FGF9: variants seen among roughly 807,000 people sequenced by gnomAD.
The protein encoded by FGF9 is fibroblast growth factor 9 (glia-activating factor).
FGF9 carries 3 observed loss-of-function variants against 19.9 expected under a neutral mutation model. The observed-to-expected ratio is 0.15, with a 90% CI of 0.07 to 0.39. The LOEUF (loss-of-function observed/expected upper bound fraction) is 0.39, where lower values mean the gene tolerates loss of function less well. Ranked by LOEUF, FGF9 falls within the 10% of genes least tolerant of loss-of-function variation. The pLI, the probability that FGF9 is intolerant of heterozygous loss-of-function variation, is 1.00. For missense variants in FGF9, 175 were observed against 256.8 expected (o/e 0.68, Z 2.18); for synonymous variants, 107 against 106.9 (o/e 1.00, Z -0.01).
intron 2 of FGF9, among the ~76,000 whole-genome samples, chr13:21,687,891 C>G (rs1318950960): frequency 6.6e-6 from 1 of 152,188 alleles, no homozygotes; most frequent in Non-Finnish European, 1.5e-5. Flanking sequence ...TAAAACAATT[C>G]TAGTACTTTT....
At chr13:21,693,850 C>T (rs943140176) in intron 2 of FGF9, among the ~76,000 whole-genome samples, 12 of 152,152 alleles carry the variant, frequency 7.9e-5, no homozygotes, top group Non-Finnish European at 1.6e-4. Context: ...CATTCTCTGC[C>T]GCCTTCTGGA....
intron 2 of FGF9, 137 bp downstream of exon 2, chr13:21,681,282 A>C (rs996963794): frequency 5.2e-5 from 35 of 675,530 alleles, no homozygotes; most frequent in African/African-American, 1.1e-4. Context: ...TTTTTGAGGA[A>C]AGCCATTTTA....
intron 2 of FGF9, among the ~76,000 whole-genome samples, chr13:21,693,477 C>T (rs925503566): frequency 6.6e-6 from 1 of 152,170 alleles, no homozygotes; most frequent in African/African-American, 2.4e-5. Context: ...TCCCTGGCAT[C>T]ATTGATCTTC....
chr13:21,695,757 T>C (rs1380787743), intron 2 of FGF9, among the ~76,000 whole-genome samples: 1 of 152,200 alleles, frequency 6.6e-6, no homozygotes, highest in Admixed American at 6.5e-5. Context: ...AAACAGTAGA[T>C]ATGAGAATGA....
chr13:21,671,201 C>T lies in FGF9; in HGVS notation c.-712C>T, dbSNP rs376388740. ...CACGCGAGCTCCCGGACGCGGCTCTCCTCGCTCGCCGCTCGCCACCCGTTC... is the reference window on the plus strand; with the variant it reads ...CACGCGAGCTCCCGGACGCGGCTCTTCTCGCTCGCCGCTCGCCACCCGTTC... On this transcript the variant is annotated 5_prime_UTR_variant, in exon 1 of 3. Transcript: ENST00000382353. Among the ~76,000 whole-genome samples the T allele has an allele frequency of 9.4e-4, 143 of 152,360 alleles. 2 individuals carry two copies. In the East Asian group the frequency reaches 0.025, roughly 27 times the overall value.
chr13:21,678,848 TTAAC>T (rs1295806024), intron 1 of FGF9, among the ~76,000 whole-genome samples: 1 of 152,240 alleles, frequency 6.6e-6, no homozygotes, highest in Admixed American at 6.5e-5. Context: ...TGAACATTAA[TTAAC>T]TCATTACATT....
chr13:21,673,839 C>A, intron 1 of FGF9, among the ~76,000 whole-genome samples: 1 of 150,990 alleles, frequency 6.6e-6, no homozygotes, highest in African/African-American at 2.4e-5. Context: ...CGCTCGCGGT[C>A]GGCAGGTGCC....
At position 21,679,179 on chromosome 13, in the gene FGF9, CT is replaced by C. The variant is rs372546367; in HGVS notation, c.278-1856del. The stretch of plus-strand genomic sequence containing the variant: ...ATTCAAAACACAATTTGTAATTTCA[CT>C]TTTTTTGATATACTGTTTAACATCC... On this transcript the variant is annotated intron_variant, in intron 1 of 2. Transcript: ENST00000382353. Among the ~76,000 whole-genome samples, 775 of 152,272 alleles carry C rather than the reference CT, an allele frequency of 5.1e-3. 4 individuals carry two copies. The highest frequency in any genetic ancestry group is 0.017 in the African/African-American group (725 of 41,564).
At chr13:21,678,962 T>G (rs1871976899) in intron 1 of FGF9, among the ~76,000 whole-genome samples, 1 of 152,190 alleles carries the variant, frequency 6.6e-6, no homozygotes, top group Admixed American at 6.5e-5. Flanking sequence ...ATGCCACAAT[T>G]TTAGTTATTT....
chr13:21,682,863 CA>C (rs1593093579), intron 2 of FGF9, among the ~76,000 whole-genome samples: 2 of 151,024 alleles, frequency 1.3e-5, no homozygotes, highest in African/African-American at 4.9e-5. Context: ...GTATCCCCAC[CA>C]AAAAAATTTT....
intron 2 of FGF9, among the ~76,000 whole-genome samples, chr13:21,681,408 G>GTGAAAAA: frequency 1.3e-5 from 2 of 152,286 alleles, no homozygotes; most frequent in Admixed American, 1.3e-4. Flanking sequence ...ATTTACAAGT[G>GTGAAAAA]TGAAAAATCC....
chr13:21,697,140 T>C (rs1872427242), intron 2 of FGF9, among the ~76,000 whole-genome samples: 1 of 152,152 alleles, frequency 6.6e-6, no homozygotes, highest in African/African-American at 2.4e-5. Flanking sequence ...TGGCTGTAGA[T>C]TATACTGTTT....
At position 21,702,345 on chromosome 13, in the gene FGF9, G is replaced by A. The variant is rs539697489; in HGVS notation, c.*910G>A. On this transcript the variant is annotated 3_prime_UTR_variant, in exon 3 of 3. Transcript: ENST00000382353. ...CACTCTTCAGACTGCTTGTTTCATA[G>A]CTTATCCCAGAGGATTAAAGATAAA... 1 of 152,298 alleles carries A rather than the reference G, an allele frequency of 6.6e-6. No individual in the cohort carries two copies. The highest frequency in any genetic ancestry group is 6.5e-5 in the Admixed American group (1 of 15,310). The allele number at this position is 152,298 out of a possible 1,614,324, so 9.4% of individuals were successfully genotyped here.
At position 21,678,846 on chromosome 13, in the gene FGF9, A is replaced by C. The variant is rs17070138; in HGVS notation, c.278-2196A>C. 7.2e-3 allele frequency among the ~76,000 whole-genome samples: 1,103 copies of C among 152,360 alleles called. 14 individuals carry two copies. The highest frequency in any genetic ancestry group is 0.024 in the African/African-American group (1,014 of 41,586). On this transcript the variant is annotated intron_variant, in intron 1 of 2. Transcript: ENST00000382353. ...CATCTTACGACGAAAATTGAACATT[A>C]ATTAACTCATTACATTAATTTCAGG...
intron 2 of FGF9, among the ~76,000 whole-genome samples, chr13:21,687,968 C>G (rs1033578413): frequency 2.4e-4 from 36 of 152,290 alleles, no homozygotes; most frequent in African/African-American, 8.7e-4. Context: ...AGATTATGCC[C>G]TTTGCCTTCT....
rs2138125300 is a variant in FGF9 at position 21,672,443 on chromosome 13, A to C, written c.277+254A>C. Among the ~76,000 whole-genome samples, 1 of 152,350 alleles carries C rather than the reference A, an allele frequency of 6.6e-6. No homozygotes were observed. The highest frequency in any genetic ancestry group is 3.4e-3 in the Middle Eastern group (1 of 294). ...TACTTTTAATTTAAAGGGGGGCATA[A>C]TTTATAAATATAATACAAGTTTCCA... is the stretch of plus-strand genomic sequence containing the variant. On this transcript the variant is annotated intron_variant, in intron 1 of 2. Transcript: ENST00000382353. The surrounding 1 kb of genome is among the most constrained non-coding windows in gnomAD (Gnocchi z 4.2).
At position 21,672,396 on chromosome 13, in the gene FGF9, A is replaced by G. The variant is rs778426279; in HGVS notation, c.277+207A>G. Among the ~76,000 whole-genome samples the G allele has an allele frequency of 3.9e-5, 6 of 152,184 alleles. No homozygotes were observed. The highest frequency in any genetic ancestry group is 2.6e-4 in the Admixed American group (4 of 15,288). On this transcript the variant is annotated intron_variant, in intron 1 of 2. Transcript: ENST00000382353. This position sits in a 1 kb window ranked among gnomAD's most constrained non-coding sequence, Gnocchi z 4.2. ...GCAGATCTGCTGCTGGCACTGATGCAAGTATACACTGAAAGGCCCCCTACT... is the reference window on the plus strand; with the variant it reads ...GCAGATCTGCTGCTGGCACTGATGCGAGTATACACTGAAAGGCCCCCTACT...
At chr13:21,696,625 C>T (rs1390545960) in intron 2 of FGF9, among the ~76,000 whole-genome samples, 2 of 152,170 alleles carry the variant, frequency 1.3e-5, no homozygotes, top group African/African-American at 4.8e-5. Context: ...CCTTCCCCTA[C>T]CCCTTCCCTT....
intron 2 of FGF9, among the ~76,000 whole-genome samples, chr13:21,692,631 A>T (rs1872318452): frequency 6.6e-6 from 1 of 152,214 alleles, no homozygotes; most frequent in Non-Finnish European, 1.5e-5. Flanking sequence ...ACGCCTACAA[A>T]GTGGCCCATG....
Sources: allele counts gnomAD v4.1 joint callset (sites outside exome capture counted in the v4.1 genomes callset), GRCh38; gene constraint gnomAD v4.1.1; non-coding constraint Gnocchi (gnomAD v3.1); transcripts MANE v1.5; gene names NCBI Gene and HGNC (gene_info 2026-07-23, HGNC 2026-07-21).